The following MAPKAP1 variants were observed in gnomAD, a reference collection of about 807,000 sequenced individuals.
The protein encoded by MAPKAP1 is target of rapamycin complex 2 subunit MAPKAP1.
MAPKAP1 carries 20 observed loss-of-function variants against 65.7 expected under a neutral mutation model. The observed-to-expected ratio is 0.30, with a 90% confidence interval of 0.21 to 0.44. The LOEUF is 0.44. Among genes scored for constraint, MAPKAP1 ranks in the 20% least tolerant of loss-of-function variants. MAPKAP1 has a pLI of 1.00. For missense variants in MAPKAP1, 423 were observed against 648.0 expected (o/e 0.65, Z 3.77); for synonymous variants, 222 against 244.3 (o/e 0.91, Z 0.85).
intron 7 of MAPKAP1, among the ~76,000 whole-genome samples, chr9:125,533,614 C>T (rs974309274): frequency 6.6e-6 from 1 of 152,106 alleles, no homozygotes; most frequent in Non-Finnish European, 1.5e-5. Context: ...CCTAATTTGG[C>T]TAATTTTTGT....
At chr9:125,508,168 T>C (rs1024306084) in intron 7 of MAPKAP1, among the ~76,000 whole-genome samples, 8 of 152,000 alleles carry the variant, frequency 5.3e-5, no homozygotes, top group Non-Finnish European at 1.2e-4. Flanking sequence ...CCTGTGTCTC[T>C]TGGGAAAAAA....
At chr9:125,689,385 C>T (rs1330828679) in intron 1 of MAPKAP1, among the ~76,000 whole-genome samples, 2 of 134,650 alleles carry the variant, frequency 1.5e-5, no homozygotes, top group African/African-American at 5.7e-5. Flanking sequence ...TGCAGTGAGC[C>T]GAGATCGCCA....
intron 1 of MAPKAP1, among the ~76,000 whole-genome samples, chr9:125,678,190 T>G (rs924239733): frequency 2.6e-5 from 4 of 152,194 alleles, no homozygotes; most frequent in African/African-American, 9.7e-5. Context: ...AGTGTTGGGA[T>G]TACAGGCGTG....
At chr9:125,701,251 T>G (rs1039140278) in intron 1 of MAPKAP1, among the ~76,000 whole-genome samples, 1 of 152,138 alleles carries the variant, frequency 6.6e-6, no homozygotes, top group African/African-American at 2.4e-5. Flanking sequence ...AACTGGAAAA[T>G]GTTATTTTTT....
chr9:125,523,477 G>C (rs1192396553), intron 7 of MAPKAP1, among the ~76,000 whole-genome samples: 1 of 152,194 alleles, frequency 6.6e-6, no homozygotes, highest in East Asian at 1.9e-4. Flanking sequence ...CAGGAGTCCA[G>C]AAATCATCTT....
chr9:125,502,226 CT>C (rs1448535084), intron 8 of MAPKAP1, among the ~76,000 whole-genome samples: 2 of 152,008 alleles, frequency 1.3e-5, no homozygotes, highest in African/African-American at 4.8e-5. Context: ...CTCAGCCCCC[CT>C]AGCAGCTGGG....
At chr9:125,480,861 A>G (rs556852094) in intron 9 of MAPKAP1, among the ~76,000 whole-genome samples, 1 of 151,330 alleles carries the variant, frequency 6.6e-6, no homozygotes, top group African/African-American at 2.4e-5. Flanking sequence ...AGTCCCAGCT[A>G]CTCAGGAGGC....
At chr9:125,695,202 C>A (rs1234710469) in intron 1 of MAPKAP1, among the ~76,000 whole-genome samples, 1 of 152,172 alleles carries the variant, frequency 6.6e-6, no homozygotes, top group African/African-American at 2.4e-5. Flanking sequence ...AACTGAATTG[C>A]CCCATACCAG....
intron 4 of MAPKAP1, among the ~76,000 whole-genome samples, chr9:125,605,596 G>C (rs538093229): frequency 1.3e-5 from 2 of 152,182 alleles, no homozygotes; most frequent in South Asian, 2.1e-4. Flanking sequence ...CCGCACGGCC[G>C]CATCTCTGCA....
intron 6 of MAPKAP1, among the ~76,000 whole-genome samples, chr9:125,554,485 G>A (rs563171249): frequency 1.9e-4 from 29 of 152,324 alleles, no homozygotes; most frequent in Non-Finnish European, 2.9e-4. Flanking sequence ...AACAGAAAGC[G>A]TGGTGGGCCA....
chr9:125,560,974 C>G (rs1459816736), intron 5 of MAPKAP1, among the ~76,000 whole-genome samples: 1 of 152,198 alleles, frequency 6.6e-6, no homozygotes, highest in Non-Finnish European at 1.5e-5. Flanking sequence ...TTCAATTGCT[C>G]CAAACCGCAA....
chr9:125,637,337 A>T (rs1174425974), intron 4 of MAPKAP1, among the ~76,000 whole-genome samples: 1 of 152,200 alleles, frequency 6.6e-6, no homozygotes, highest in South Asian at 2.1e-4. Context: ...CGCAGAAGGA[A>T]TGAGCAGATA....
intron 1 of MAPKAP1, among the ~76,000 whole-genome samples, chr9:125,698,322 TATATATATATATATAA>T (rs1399300701): frequency 7.6e-5 from 7 of 91,814 alleles, no homozygotes; most frequent in Non-Finnish European, 1.3e-4. Flanking sequence ...TATATATATA[TATATATATATATATAA>T]AATATATATA....
At chr9:125,485,861 T>A (rs934608874) in intron 8 of MAPKAP1, among the ~76,000 whole-genome samples, 1 of 152,200 alleles carries the variant, frequency 6.6e-6, no homozygotes, top group Non-Finnish European at 1.5e-5. Flanking sequence ...TCTCTCTGAA[T>A]TTCAGTTTTT....
chr9:125,595,666 C>A lies in MAPKAP1; in HGVS notation c.499-9939G>T. On this transcript the variant is annotated intron_variant, in intron 4 of 11. Coordinates refer to ENST00000265960, the MANE Select transcript of MAPKAP1 (RefSeq NM_001006617.3). The surrounding 1 kb of genome is among the most constrained non-coding windows in gnomAD (Gnocchi z 4.0). ...ATCGTTAAAGTCTCTCTTCTCCCTG[C>A]CGTCCTAAGTCAGAGTCTCCTAAAG... 1.3e-6 allele frequency: 2 copies of A among 1,506,954 alleles called. No homozygotes were observed. The highest frequency in any genetic ancestry group is 1.8e-6 in the Non-Finnish European group (2 of 1,133,558). The allele number at this position is 1,506,954 out of a possible 1,614,324, so 93.3% of individuals were successfully genotyped here.
intron 10 of MAPKAP1, among the ~76,000 whole-genome samples, chr9:125,466,258 C>A (rs1166523013): frequency 1.3e-5 from 2 of 152,038 alleles, no homozygotes; most frequent in Non-Finnish European, 2.9e-5. Flanking sequence ...GGCCTTATGC[C>A]CAACCTTCCC....
chr9:125,632,078 C>T (rs1833299455), intron 4 of MAPKAP1, among the ~76,000 whole-genome samples: 1 of 151,934 alleles, frequency 6.6e-6, no homozygotes, highest in Non-Finnish European at 1.5e-5. Context: ...AAAAATTAGC[C>T]AGGCATGGTG....
intron 7 of MAPKAP1, among the ~76,000 whole-genome samples, chr9:125,533,560 C>A (rs567916433): frequency 3.3e-5 from 5 of 152,056 alleles, no homozygotes; most frequent in African/African-American, 9.7e-5. Flanking sequence ...AGCGATTCTC[C>A]CTGCCTCAGC....
chr9:125,502,322 G>A (rs916425392), intron 8 of MAPKAP1, among the ~76,000 whole-genome samples: 9 of 152,018 alleles, frequency 5.9e-5, no homozygotes, highest in Admixed American at 5.2e-4. Context: ...GGCTGGTCTC[G>A]AACTCCTGAC....
Sources: allele counts gnomAD v4.1 joint callset (sites outside exome capture counted in the v4.1 genomes callset), GRCh38; gene constraint gnomAD v4.1.1; non-coding constraint Gnocchi (gnomAD v3.1); transcripts MANE v1.5; gene names NCBI Gene and HGNC (gene_info 2026-07-23, HGNC 2026-07-21).